PDIA5: variants seen among roughly 807,000 people sequenced by gnomAD.
The protein encoded by PDIA5 is protein disulfide isomerase family A member 5, also known as protein disulfide-isomerase A5.
A neutral mutation model predicts 77.6 loss-of-function variants in PDIA5; 58 were observed. The observed-to-expected ratio is 0.75, with a 90% CI of 0.61 to 0.93. PDIA5 has a LOEUF of 0.93. PDIA5 is among the 40% of genes least tolerant of loss of function. The probability of loss-of-function intolerance (pLI) is 0.00; values close to 1 mark genes in which losing one functional copy is unlikely to be tolerated. For synonymous variants in PDIA5, 250 were observed against 252.1 expected, an observed-to-expected ratio of 0.99 and a Z score of 0.08; for missense variants, 630 against 647.7, an observed-to-expected ratio of 0.97 and a Z score of 0.30.
chr3:123,148,428 G>T (rs1935816367), intron 13 of PDIA5, among the ~76,000 whole-genome samples: 1 of 152,096 alleles, frequency 6.6e-6, no homozygotes, highest in Non-Finnish European at 1.5e-5. Flanking sequence ...AATTACCTGG[G>T]CATGGTGGTG....
chr3:123,145,971 T>C (rs1567991), intron 12 of PDIA5, 128 bp from the exon 13 acceptor site: 495,386 of 831,978 alleles, frequency 0.6, 151,385 homozygotes, highest in East Asian at 0.86. Flanking sequence ...GGGAGCCCAC[T>C]GGGCTAGCCA....
chr3:123,075,767 C>G (rs1156939385), intron 1 of PDIA5, among the ~76,000 whole-genome samples: 4 of 152,156 alleles, frequency 2.6e-5, no homozygotes. Context: ...TTCCTGGGCT[C>G]CCAGCCCCTG....
chr3:123,106,896 G>T, intron 6 of PDIA5, 55 bp downstream of exon 6: 2 of 1,222,226 alleles, frequency 1.6e-6, no homozygotes, highest in Non-Finnish European at 1.2e-6. Context: ...TGGTACCAGG[G>T]CCTCCCAAGG....
chr3:123,101,561 C>A (rs898111079), intron 3 of PDIA5, among the ~76,000 whole-genome samples: 1 of 152,178 alleles, frequency 6.6e-6, no homozygotes, highest in Non-Finnish European at 1.5e-5. Context: ...GGCCAGATTT[C>A]ATAACTTCTT....
chr3:123,089,372 C>T (rs1244877625), intron 2 of PDIA5, 78 bp downstream of exon 2: 31 of 1,455,100 alleles, frequency 2.1e-5, no homozygotes, highest in Admixed American at 1.2e-4. Flanking sequence ...AGGCAGGAGA[C>T]GTTAGGATGA....
chr3:123,123,369 T>A (rs1381355275), intron 8 of PDIA5, among the ~76,000 whole-genome samples: 1 of 152,164 alleles, frequency 6.6e-6, no homozygotes, highest in Non-Finnish European at 1.5e-5. Context: ...GGAGCCAGAA[T>A]ATGTTCAGAA....
intron 15 of PDIA5, among the ~76,000 whole-genome samples, chr3:123,156,012 A>G (rs1936014941): frequency 6.6e-6 from 1 of 152,106 alleles, no homozygotes; most frequent in Non-Finnish European, 1.5e-5. Flanking sequence ...AAGCAGAGAC[A>G]GATGACCATC....
intron 11 of PDIA5, among the ~76,000 whole-genome samples, chr3:123,137,419 T>C (rs1476609763): frequency 1.3e-5 from 2 of 152,264 alleles, no homozygotes; most frequent in Non-Finnish European, 2.9e-5. Context: ...TATTAATCTT[T>C]ATCTGTTTTC....
intron 3 of PDIA5, among the ~76,000 whole-genome samples, chr3:123,101,442 A>C (rs940506061): frequency 2.0e-5 from 3 of 152,236 alleles, no homozygotes; most frequent in African/African-American, 7.2e-5. Context: ...AGGGAATGGC[A>C]CCTCACAGGC....
At chr3:123,153,382 G>A (rs905494855) in intron 14 of PDIA5, among the ~76,000 whole-genome samples, 8 of 152,176 alleles carry the variant, frequency 5.3e-5, no homozygotes, top group Admixed American at 2.0e-4. Context: ...AGTAGATTGC[G>A]CTCTTTAAGT....
At chr3:123,153,240 A>T (rs1935952480) in intron 14 of PDIA5, among the ~76,000 whole-genome samples, 1 of 152,196 alleles carries the variant, frequency 6.6e-6, no homozygotes, top group Non-Finnish European at 1.5e-5. Flanking sequence ...AAAAGGAAAA[A>T]TTAATAGTGA....
chr3:123,131,597 A>C (rs995389411), intron 11 of PDIA5, among the ~76,000 whole-genome samples: 1 of 148,902 alleles, frequency 6.7e-6, no homozygotes, highest in Non-Finnish European at 1.5e-5. Context: ...CAGATCATCC[A>C]GCATCTAGAA....
At chr3:123,081,069 C>T (rs1933989427) in intron 1 of PDIA5, among the ~76,000 whole-genome samples, 1 of 152,148 alleles carries the variant, frequency 6.6e-6, no homozygotes, top group Non-Finnish European at 1.5e-5. Context: ...AGCTTACATT[C>T]CAAGGGCTGG....
rs150433874 is a variant in PDIA5, at chr3:123,072,455, G to A, written c.42+5249G>A. Among the ~76,000 whole-genome samples, 430 of 152,330 alleles carry A rather than the reference G, an allele frequency of 2.8e-3. 1 individual carries two copies. Among genetic ancestry groups the A allele is most frequent in the Non-Finnish European group, 3.7e-3 (254 of 68,026 alleles). ...ATGATGGGGAAGGCAGTTAAGAGGA[G>A]GAGGTGGGCAAGGAAGGGCCAGAGA... On this transcript the variant is annotated intron_variant, in intron 1 of 16. Transcript: ENST00000316218.
intron 6 of PDIA5, among the ~76,000 whole-genome samples, chr3:123,107,447 C>G (rs1934763638): frequency 6.6e-6 from 1 of 152,098 alleles, no homozygotes; most frequent in Admixed American, 6.5e-5. Context: ...CCCAGCTACT[C>G]AGGAGGCCGA....
chr3:123,131,313 G>A (rs1231809464), intron 11 of PDIA5, among the ~76,000 whole-genome samples: 2 of 151,724 alleles, frequency 1.3e-5, no homozygotes, highest in Non-Finnish European at 2.9e-5. Flanking sequence ...CCAGTTACTT[G>A]GGAGGCTGAG....
chr3:123,092,038 T>A (rs1934302518), intron 2 of PDIA5, among the ~76,000 whole-genome samples: 1 of 152,204 alleles, frequency 6.6e-6, no homozygotes, highest in African/African-American at 2.4e-5. Flanking sequence ...TTACTGGCCT[T>A]GAGGATCTGG....
chr3:123,088,659 G>C (rs893547171), intron 1 of PDIA5, among the ~76,000 whole-genome samples: 21 of 152,140 alleles, frequency 1.4e-4, no homozygotes, highest in African/African-American at 5.1e-4. Flanking sequence ...GCCTCCACAG[G>C]ATACCAAAAC....
chr3:123,072,912 C>CTGTGTGTGTGTGTGTGTGTGTG (rs66567660), intron 1 of PDIA5, among the ~76,000 whole-genome samples: 2,613 of 146,852 alleles, frequency 0.018, 95 homozygotes, highest in African/African-American at 0.061. Context: ...ACCTCTCCTT[C>CTGTGTGTGTGTGTGTGTGTGTG]TGTGTGTGTG....
Sources: allele counts gnomAD v4.1 joint callset (sites outside exome capture counted in the v4.1 genomes callset), GRCh38; gene constraint gnomAD v4.1.1; transcripts MANE v1.5; gene names NCBI Gene and HGNC (gene_info 2026-07-23, HGNC 2026-07-21).